Variants in EGFLAM observed in about 807,000 individuals in gnomAD.
EGFLAM encodes the protein EGF like, fibronectin type III and laminin G domains.
In EGFLAM, 79 loss-of-function variants were observed where a neutral mutation model predicts 113.1. The ratio of observed to expected loss-of-function variants is 0.70; its 90% confidence interval spans 0.58 to 0.84. The LOEUF (loss-of-function observed/expected upper bound fraction) is 0.84. Among genes scored for constraint, EGFLAM ranks in the 40% least tolerant of loss-of-function variants. EGFLAM has a pLI of 0.00. For missense variants in EGFLAM, 1,265 were observed against 1,291.6 expected (o/e 0.98, Z 0.32); for synonymous variants, 504 against 487.6 (o/e 1.03, Z -0.44).
rs1011933025 is a variant in EGFLAM, at chr5:38,402,650, T to G, written c.713-3476T>G. Among the ~76,000 whole-genome samples, 10 of 152,334 alleles carry G rather than the reference T, an allele frequency of 6.6e-5. No homozygotes were observed. In the East Asian group the frequency reaches 1.9e-3, roughly 29 times the overall value. On this transcript the variant is annotated intron_variant, in intron 6 of 21. Coordinates refer to ENST00000322350, the MANE Select transcript of EGFLAM (RefSeq NM_152403.4). ...TTAACTACTCTTAACTCAGTTTTCT[T>G]ATGTATAAAATGGATTAGTCATACT...
chr5:38,382,175 G>A (rs568384072), intron 6 of EGFLAM, among the ~76,000 whole-genome samples: 1 of 152,236 alleles, frequency 6.6e-6, no homozygotes, highest in African/African-American at 2.4e-5. Context: ...TCTAAACTCA[G>A]CATCTAGGTA....
chr5:38,338,064 T>C (rs1408163500), intron 2 of EGFLAM, among the ~76,000 whole-genome samples: 2 of 152,170 alleles, frequency 1.3e-5, no homozygotes, highest in Admixed American at 6.5e-5. Flanking sequence ...AGGCTGCAAG[T>C]TGGGCTGATA....
chr5:38,303,013 T>C (rs984174841), intron 1 of EGFLAM, among the ~76,000 whole-genome samples: 1 of 152,188 alleles, frequency 6.6e-6, no homozygotes, highest in African/African-American at 2.4e-5. Flanking sequence ...TAACTCAGTT[T>C]GTGCAGCTGC....
chr5:38,445,052 G>A (rs1281427872), intron 17 of EGFLAM, among the ~76,000 whole-genome samples: 1 of 152,182 alleles, frequency 6.6e-6, no homozygotes, highest in Non-Finnish European at 1.5e-5. Context: ...GTGATTATTT[G>A]TCCCTATATA....
intron 6 of EGFLAM, among the ~76,000 whole-genome samples, chr5:38,388,925 A>C (rs889187446): frequency 1.4e-4 from 18 of 124,578 alleles, no homozygotes; most frequent in East Asian, 8.9e-4. Flanking sequence ...AAGAAAAAAA[A>C]AAAAAAACAA....
intron 6 of EGFLAM, among the ~76,000 whole-genome samples, chr5:38,371,890 C>T (rs1430002842): frequency 1.3e-5 from 2 of 152,184 alleles, no homozygotes; most frequent in Admixed American, 6.5e-5. Context: ...ACACTGAGTT[C>T]GTCTTTTTGC....
At position 38,445,519 on chromosome 5, in the gene EGFLAM, C is replaced by G. The variant is rs151122363; in HGVS notation, c.2465-2782C>G. 8.3e-4 allele frequency: 1,282 copies of G among 1,544,900 alleles called. 10 individuals are homozygous for G. The African/African-American group carries it at 0.016, about 19-fold the overall frequency. On this transcript the variant is annotated intron_variant, in intron 17 of 21. Transcript: ENST00000322350. The stretch of plus-strand genomic sequence containing the variant: ...ATTTCCAGTGGTTCCCCGCGGGGCT[C>G]ATATTCACATTCCCTAAGAGGACGT...
chr5:38,412,197 T>C (rs1255367100), intron 10 of EGFLAM, among the ~76,000 whole-genome samples: 2 of 152,194 alleles, frequency 1.3e-5, no homozygotes, highest in Non-Finnish European at 2.9e-5. Context: ...GATCCCGTCA[T>C]GCAGGTAGCG....
intron 6 of EGFLAM, among the ~76,000 whole-genome samples, chr5:38,391,384 T>TTGTGTGTGTG (rs758900897): frequency 0.01 from 987 of 97,998 alleles, 12 homozygotes; most frequent in African/African-American, 0.031. Flanking sequence ...TTTCTTTTCT[T>TTGTGTGTGTG]TGTGTGTGTG....
intron 20 of EGFLAM, among the ~76,000 whole-genome samples, chr5:38,458,606 A>T (rs926114428): frequency 6.6e-6 from 1 of 152,204 alleles, no homozygotes; most frequent in African/African-American, 2.4e-5. Flanking sequence ...CCAAACCTTC[A>T]TTAAGCAGTA....
chr5:38,322,653 T>A (rs1397254294), intron 1 of EGFLAM, among the ~76,000 whole-genome samples: 1 of 152,190 alleles, frequency 6.6e-6, no homozygotes, highest in Non-Finnish European at 1.5e-5. Context: ...GGTAGATTAC[T>A]CCCTGGAATT....
intron 6 of EGFLAM, among the ~76,000 whole-genome samples, chr5:38,392,462 G>T (rs571008565): frequency 6.6e-6 from 1 of 152,118 alleles, no homozygotes; most frequent in South Asian, 2.1e-4. Flanking sequence ...ATATTCCTCT[G>T]GGTCTATACC....
chr5:38,386,044 G>T (rs1740651444), intron 6 of EGFLAM, among the ~76,000 whole-genome samples: 1 of 152,196 alleles, frequency 6.6e-6, no homozygotes, highest in Non-Finnish European at 1.5e-5. Context: ...ACATGGAAAA[G>T]GTACAGTCAA....
chr5:38,352,379 T>C (rs898793265), intron 5 of EGFLAM, 48 bp downstream of exon 5: 2 of 1,605,164 alleles, frequency 1.2e-6, no homozygotes, highest in Non-Finnish European at 1.7e-6. Flanking sequence ...CTGGGCGCGG[T>C]GGCTCACACC....
chr5:38,448,377 G>C lies in EGFLAM; in HGVS notation c.2541G>C (p.Lys847Asn). 1 of 1,614,138 alleles carries C rather than the reference G, an allele frequency of 6.2e-7. No individual in the cohort carries two copies. The highest frequency in any genetic ancestry group is 8.5e-7 in the Non-Finnish European group (1 of 1,180,036). ...CGTATGACAACCCAGATATCTTGAA[G>C]AGGTAATAAGCTTCAACAGGCACCT... ...YLTYDNPDIL[K>N]RVSGSRSNVF... is the part of the protein sequence containing the mutation. The change falls in exon 18 of 22, where the codon AAG (lysine) becomes AAC (asparagine). Residue 847 changes from lysine to asparagine, a missense_variant and splice_region_variant. Physicochemically the swap from Lys to Asn is moderately conservative, Grantham distance 94. Coordinates refer to ENST00000322350, the MANE Select transcript of EGFLAM (RefSeq NM_152403.4).
Position 38,364,714 on chromosome 5 carries a change from C to T in EGFLAM, c.546-5582C>T, listed in dbSNP as rs183410071. ...TCACCATGCTTAATGAGCTCCCAGC[C>T]CAGGAGGAAAGACAGAAGTCTAAAA... On this transcript the variant is annotated intron_variant, in intron 5 of 21. Coordinates refer to ENST00000322350, the MANE Select transcript of EGFLAM (RefSeq NM_152403.4). Among the ~76,000 whole-genome samples the T allele has an allele frequency of 2.0e-3, 306 of 152,182 alleles. 4 individuals are homozygous for T. Among genetic ancestry groups the T allele is most frequent in the Non-Finnish European group, 1.6e-4 (11 of 68,010 alleles).
intron 6 of EGFLAM, among the ~76,000 whole-genome samples, chr5:38,375,220 G>A (rs1042121097): frequency 1.3e-5 from 2 of 152,134 alleles, no homozygotes; most frequent in Non-Finnish European, 2.9e-5. Flanking sequence ...AAGTCAACCC[G>A]TATATTTCGG....
chr5:38,448,423 A>C (rs1235855984), intron 18 of EGFLAM, 44 bp downstream of exon 18: 1 of 1,582,286 alleles, frequency 6.3e-7, no homozygotes, highest in Non-Finnish European at 8.7e-7. Flanking sequence ...TCTGGGGGTA[A>C]ATTTCTCTAT....
Position 38,407,059 on chromosome 5 carries a change from G to T in EGFLAM, c.1060G>T (p.Ala354Ser). Residue 354 changes from alanine to serine, a missense_variant, in exon 8 of 22, where the codon GCT becomes TCT. Transcript: ENST00000322350. ...DMPCDETLCS[A>S]DSFCVNDYTW... ...GCCTTGTGATGAAACTCTCTGCTCT[G>T]CTGACAGCTTCTGTGTCAATGACTA... 1 of 1,614,150 alleles carries T rather than the reference G, an allele frequency of 6.2e-7. No individual in the cohort carries two copies. Among genetic ancestry groups the T allele is most frequent in the Non-Finnish European group, 8.5e-7 (1 of 1,180,028 alleles).
Sources: allele counts gnomAD v4.1 joint callset (sites outside exome capture counted in the v4.1 genomes callset), GRCh38; gene constraint gnomAD v4.1.1; transcripts MANE v1.5; gene names NCBI Gene and HGNC (gene_info 2026-07-23, HGNC 2026-07-21).